BMPR2: variants seen among roughly 807,000 people sequenced by gnomAD.
BMPR2 encodes the protein bone morphogenetic protein receptor type-2.
In BMPR2, 29 loss-of-function variants were observed where a neutral mutation model predicts 100.8. The ratio of observed to expected loss-of-function variants is 0.29; its 90% confidence interval spans 0.21 to 0.39. The LOEUF (loss-of-function observed/expected upper bound fraction) is 0.39, where lower values mean the gene tolerates loss of function less well. Ranked by LOEUF, BMPR2 falls within the 10% of genes least tolerant of loss-of-function variation. The probability of loss-of-function intolerance (pLI) is 1.00; values close to 1 mark genes in which losing one functional copy is unlikely to be tolerated. For synonymous variants in BMPR2, 382 were observed against 442.3 expected (o/e 0.86, Z 1.71); for missense variants, 1,011 against 1,274.5 (o/e 0.79, Z 3.15).
intron 11 of BMPR2, among the ~76,000 whole-genome samples, chr2:202,554,469 T>C (rs373806053): frequency 6.6e-6 from 1 of 152,190 alleles, no homozygotes; most frequent in African/African-American, 2.4e-5. Flanking sequence ...AGGTTTTATT[T>C]TCCTGAGTCT....
At chr2:202,397,016 C>T (rs543077489) in intron 1 of BMPR2, among the ~76,000 whole-genome samples, 2 of 152,156 alleles carry the variant, frequency 1.3e-5, no homozygotes, top group South Asian at 2.1e-4. Flanking sequence ...ATGCTGGTCT[C>T]GAACTCCCAG....
At chr2:202,378,064 A>G (rs1223731338) in intron 1 of BMPR2, among the ~76,000 whole-genome samples, 2 of 152,230 alleles carry the variant, frequency 1.3e-5, no homozygotes, top group Non-Finnish European at 2.9e-5. Flanking sequence ...TACCGAATGA[A>G]TAGAATAAAT....
chr2:202,560,902 A>G lies in BMPR2; in HGVS notation c.*956A>G, dbSNP rs1184739440. 6.6e-6 allele frequency: 1 copy of G among 152,124 alleles called. No homozygotes were observed. Among genetic ancestry groups the G allele is most frequent in the Non-Finnish European group, 1.5e-5 (1 of 67,990 alleles). 9.4% of individuals were successfully genotyped at this position (152,124 alleles called of 1,614,324 possible). A position where few individuals can be genotyped will look rare whatever the true frequency, so the allele number is the denominator to read the frequency against. ...TCATTTATTTAAGAAATACATTTTT[A>G]TTGGTAAGCTTATAGAGCTACACTT... On this transcript the variant is annotated 3_prime_UTR_variant, in exon 13 of 13. Coordinates refer to ENST00000374580, the MANE Select transcript of BMPR2 (RefSeq NM_001204.7).
In BMPR2 at chr2:202,532,909, A is replaced by G. The variant is rs1559067106; in HGVS notation, c.1276+177A>G. ...ATTAGCAGCAGGATGCAAATTAGGA[A>G]TTTTTTTTTTTAGAGTACTCCAGGT... On this transcript the variant is annotated intron_variant, in intron 9 of 12. Transcript: ENST00000374580. This position sits in a 1 kb window ranked among gnomAD's most constrained non-coding sequence, Gnocchi z 4.1. Among the ~76,000 whole-genome samples the G allele has an allele frequency of 6.7e-6, 1 of 148,442 alleles. No homozygotes were observed. Among genetic ancestry groups the G allele is most frequent in the Admixed American group, 6.7e-5 (1 of 14,880 alleles).
At chr2:202,462,268 C>T (rs1189053462) in intron 1 of BMPR2, among the ~76,000 whole-genome samples, 1 of 144,126 alleles carries the variant, frequency 6.9e-6, no homozygotes, top group Non-Finnish European at 1.5e-5. Flanking sequence ...CTTGCTCTGT[C>T]GCCCAGGCTG....
At chr2:202,459,888 G>A (rs1692192107) in intron 1 of BMPR2, among the ~76,000 whole-genome samples, 2 of 152,174 alleles carry the variant, frequency 1.3e-5, no homozygotes, top group Non-Finnish European at 2.9e-5. Flanking sequence ...GTAATAACCA[G>A]CATCTATAAG....
Position 202,465,391 on chromosome 2 carries a change from G to GA in BMPR2, c.247+421dup, listed in dbSNP as rs199788946. Among the ~76,000 whole-genome samples the GA allele has an allele frequency of 2.3e-4, 35 of 149,060 alleles. No homozygotes were observed. In the East Asian group the frequency reaches 3.4e-3, roughly 14 times the overall value. ...CAACAGAGCAAGACTCCATCTCAAA[G>GA]AAAAAAAAAGTGTGTGTATATCTCC... On this transcript the variant is annotated intron_variant, in intron 2 of 12. Transcript: ENST00000374580.
At chr2:202,463,705 A>T (rs968040663) in intron 1 of BMPR2, among the ~76,000 whole-genome samples, 1 of 152,228 alleles carries the variant, frequency 6.6e-6, no homozygotes, top group Non-Finnish European at 1.5e-5. Flanking sequence ...AATATTTATT[A>T]GCTGATAAAT....
rs1559037481 is a variant in BMPR2, at chr2:202,434,928, TATATA to T, written c.77-29880_77-29876del. Among the ~76,000 whole-genome samples the T allele has an allele frequency of 1.6e-3, 187 of 114,306 alleles. 4 individuals carry two copies. Among genetic ancestry groups the T allele is most frequent in the Middle Eastern group, 4.6e-3 (1 of 216 alleles). 75.0% of individuals were successfully genotyped at this position (114,306 alleles called of 152,430 possible). A position where few individuals can be genotyped will look rare whatever the true frequency, so the allele number is the denominator to read the frequency against. On this transcript the variant is annotated intron_variant, in intron 1 of 12. Transcript: ENST00000374580. ...AAAAAAATATATATATATATATATA[TATATA>T]TATTTATTTATTTATTTACGTCTAT...
chr2:202,489,898 C>T (rs1692866358), intron 3 of BMPR2, among the ~76,000 whole-genome samples: 1 of 152,200 alleles, frequency 6.6e-6, no homozygotes, highest in Non-Finnish European at 1.5e-5. Context: ...CAGCAAGCCA[C>T]CCCTAAGCTC....
At chr2:202,472,148 AACAG>A (rs1692450059) in intron 3 of BMPR2, among the ~76,000 whole-genome samples, 1 of 152,340 alleles carries the variant, frequency 6.6e-6, no homozygotes, top group East Asian at 1.9e-4. Flanking sequence ...AACCAATTAT[AACAG>A]ACCATACTCT....
At chr2:202,494,458 GC>G (rs1339174249) in intron 3 of BMPR2, among the ~76,000 whole-genome samples, 1 of 152,186 alleles carries the variant, frequency 6.6e-6, no homozygotes, top group Non-Finnish European at 1.5e-5. Context: ...TCCAGTAGTG[GC>G]CCCCGCCTGG....
intron 10 of BMPR2, among the ~76,000 whole-genome samples, chr2:202,548,948 A>G (rs1370517313): frequency 6.6e-6 from 1 of 152,130 alleles, no homozygotes; most frequent in African/African-American, 2.4e-5. Flanking sequence ...ATATGTATAC[A>G]CCCATAAAAC....
chr2:202,393,470 A>AT (rs1559024141), intron 1 of BMPR2, among the ~76,000 whole-genome samples: 2 of 151,872 alleles, frequency 1.3e-5, no homozygotes, highest in South Asian at 2.1e-4. Context: ...AAATATATAT[A>AT]TTTTTTTGTA....
At chr2:202,546,755 C>T (rs1688382276) in intron 10 of BMPR2, among the ~76,000 whole-genome samples, 2 of 152,094 alleles carry the variant, frequency 1.3e-5, no homozygotes, top group Admixed American at 1.3e-4. Flanking sequence ...AGTCACGTGC[C>T]ACCATGCCTG....
chr2:202,513,796 G>A lies in BMPR2; in HGVS notation c.496G>A (p.Val166Ile). The A allele has an allele frequency of 1.2e-6, 2 of 1,612,284 alleles. No individual in the cohort carries two copies. The highest frequency in any genetic ancestry group is 2.2e-5 in the South Asian group (2 of 90,962). ...AGTCTCTGTATTAGCTGTTTTGATAGTTGCCTTATGCTTTGGATACAGAAT... is the reference window on the plus strand; with the variant it reads ...AGTCTCTGTATTAGCTGTTTTGATAATTGCCTTATGCTTTGGATACAGAAT... ...ASVSVLAVLI[V>I]ALCFGYRMLT... Residue 166 changes from valine (V) to isoleucine (I), a missense_variant, in exon 4 of 13, where the codon GTT becomes ATT. By Grantham distance (29) the Val-to-Ile change is conservative (BLOSUM62 3). This residue lies in a region of BMPR2 where 355 missense variants were observed against 455.3 expected (regional missense o/e 0.78). Coordinates refer to ENST00000374580, the MANE Select transcript of BMPR2 (RefSeq NM_001204.7).
Position 202,555,927 on chromosome 2 carries a change from A to C in BMPR2, c.2262A>C (p.Arg754Ser). Reference sequence around the variant, plus strand: ...CCAAGCAGCAGAACCTTCCCAAGAGACCTACTAGTTTGCCTTTGAACACCA... The same window carrying C: ...CCAAGCAGCAGAACCTTCCCAAGAGCCCTACTAGTTTGCCTTTGAACACCA... Reference protein sequence around the residue: ...PLPKQQNLPKRPTSLPLNTKN... With the variant: ...PLPKQQNLPKSPTSLPLNTKN... Residue 754 changes from arginine to serine, a missense_variant, in exon 12 of 13, where the codon AGA (arginine) becomes AGC (serine). Around this residue, in one of 6 missense-constraint regions of BMPR2, gnomAD observed 508 missense variants for 552.0 expected, o/e 0.92. Transcript: ENST00000374580. 1.9e-6 allele frequency: 3 copies of C among 1,614,142 alleles called. No individual in the cohort carries two copies. Among genetic ancestry groups the C allele is most frequent in the Non-Finnish European group, 2.5e-6 (3 of 1,180,032 alleles).
intron 10 of BMPR2, among the ~76,000 whole-genome samples, chr2:202,547,036 G>A (rs559277116): frequency 6.6e-5 from 10 of 152,148 alleles, no homozygotes; most frequent in African/African-American, 1.2e-4. Flanking sequence ...CCAGAGTGCC[G>A]GGATTACAGT....
At chr2:202,399,203 C>T (rs1426163016) in intron 1 of BMPR2, among the ~76,000 whole-genome samples, 1 of 152,062 alleles carries the variant, frequency 6.6e-6, no homozygotes, top group Non-Finnish European at 1.5e-5. Context: ...TGATAAATGC[C>T]ACAGGGCTAT....
Sources: gnomAD v4.1 joint callset for allele counts (sites outside exome capture counted in the v4.1 genomes callset) on GRCh38, gnomAD v4.1.1 for gene constraint, gnomAD v4.1.1 regional missense constraint, Gnocchi (gnomAD v3.1) non-coding constraint, MANE v1.5 for transcripts, NCBI Gene and HGNC (gene_info 2026-07-23, HGNC 2026-07-21) for gene names.